The following MACROH2A1 variants were observed in gnomAD, a reference collection of about 807,000 sequenced individuals.
The protein encoded by MACROH2A1 is macroH2A.1 histone, also known as core histone macro-H2A.1.
MACROH2A1 carries 2 observed loss-of-function variants against 31.6 expected under a neutral mutation model. The observed-to-expected ratio is 0.06, with a 90% CI of 0.03 to 0.20. The LOEUF is 0.20. Ranked by LOEUF, MACROH2A1 falls within the 10% of genes least tolerant of loss-of-function variation. The pLI, the probability that MACROH2A1 is intolerant of heterozygous loss-of-function variation, is 1.00. For synonymous variants in MACROH2A1, 169 were observed against 189.6 expected (o/e 0.89, Z 0.89); for missense variants, 230 against 474.0 (o/e 0.49, Z 4.78).
intron 7 of MACROH2A1, chr5:135,345,133 G>A (rs1194728356): frequency 2.0e-5 from 3 of 152,240 alleles, no homozygotes; most frequent in Admixed American, 6.5e-5. Flanking sequence ...GCAGAGCAGA[G>A]GTCAAAGGCA....
chr5:135,350,647 C>G, intron 6 of MACROH2A1: 1 of 515,496 alleles, frequency 1.9e-6, no homozygotes. Context: ...GCATGACATC[C>G]TGGCTGACAG....
chr5:135,342,783 T>G (rs1435320610), intron 8 of MACROH2A1, among the ~76,000 whole-genome samples: 1 of 152,204 alleles, frequency 6.6e-6, no homozygotes, highest in Non-Finnish European at 1.5e-5. Context: ...ATGCAGGTTC[T>G]CAGGAGGTGA....
rs1349354810 is a variant in MACROH2A1 at position 135,340,814 on chromosome 5, A to AT, written c.953+2445dup. Among the ~76,000 whole-genome samples the AT allele has an allele frequency of 2.1e-4, 31 of 151,172 alleles. No homozygotes were observed. In the South Asian group the frequency reaches 2.9e-3, roughly 14 times the overall value. Reference sequence around the variant, plus strand: ...TACTGGCCGGCTCTGGTGTAATCCCATTTTTTTTTACTCATGAAAGAGAGG... The same window carrying AT: ...TACTGGCCGGCTCTGGTGTAATCCCATTTTTTTTTTACTCATGAAAGAGAGG... On this transcript the variant is annotated intron_variant, in intron 8 of 8. Coordinates refer to ENST00000511689, the MANE Select transcript of MACROH2A1 (RefSeq NM_138610.3).
At chr5:135,349,747 T>C (rs1221553634) in intron 6 of MACROH2A1, among the ~76,000 whole-genome samples, 5 of 152,186 alleles carry the variant, frequency 3.3e-5, no homozygotes, top group Non-Finnish European at 5.9e-5. Context: ...AGAGGGCTGC[T>C]CTCAGGACCA....
At chr5:135,389,237 G>C (rs1766861513) in intron 1 of MACROH2A1, 111 bp from the exon 2 acceptor site, 4 of 667,316 alleles carry the variant, frequency 6.0e-6, no homozygotes, top group East Asian at 2.9e-5. Context: ...AGATGCCACT[G>C]TCTGTAGCTG....
intron 6 of MACROH2A1, chr5:135,351,063 A>G: frequency 1.7e-6 from 1 of 575,634 alleles, no homozygotes; most frequent in Non-Finnish European, 3.2e-6. Context: ...GTGTGCGCAC[A>G]TGTGGATGGG....
intron 5 of MACROH2A1, 48 bp from the exon 6 acceptor site, chr5:135,353,093 C>T: frequency 8.3e-7 from 1 of 1,202,736 alleles, no homozygotes. Context: ...GCTGGGAAGT[C>T]TCAGAGAAGG....
chr5:135,346,069 C>A lies in MACROH2A1; in HGVS notation c.689-12G>T. 1.9e-6 allele frequency: 3 copies of A among 1,592,828 alleles called. No individual in the cohort carries two copies. Among genetic ancestry groups the A allele is most frequent in the Non-Finnish European group, 2.6e-6 (3 of 1,160,502 alleles). On this transcript the variant is annotated splice_polypyrimidine_tract_variant and intron_variant, in intron 6 of 8. Transcript: ENST00000511689. ...CTCCAGCGTGTTTCCTAGACAAGGA[C>A]AGGGTGGGGTCAGGTTGCCATTCTG...
chr5:135,343,179 A>G (rs1412573472), intron 8 of MACROH2A1, 81 bp downstream of exon 8: 9 of 1,603,532 alleles, frequency 5.6e-6, no homozygotes, highest in Non-Finnish European at 7.6e-6. Context: ...CCTTGCACAG[A>G]GTGAGAGCAC....
intron 2 of MACROH2A1, among the ~76,000 whole-genome samples, chr5:135,371,603 C>T (rs746086239): frequency 3.4e-4 from 52 of 152,310 alleles, no homozygotes; most frequent in South Asian, 1.5e-3. Context: ...CTGGTTTTCT[C>T]CTTGGCATTA....
chr5:135,370,939 A>G (rs1281628689), intron 2 of MACROH2A1, among the ~76,000 whole-genome samples: 3 of 152,240 alleles, frequency 2.0e-5, no homozygotes, highest in African/African-American at 7.2e-5. Context: ...TAGGAGATAC[A>G]TGCTGATGTA....
At chr5:135,358,294 C>A in intron 5 of MACROH2A1, 7 of 985,112 alleles carry the variant, frequency 7.1e-6, no homozygotes, top group Non-Finnish European at 7.2e-6. Context: ...GCAGTTGGAA[C>A]CCTAGTTTCT....
chr5:135,380,421 C>T (rs1765506254), intron 2 of MACROH2A1, among the ~76,000 whole-genome samples: 1 of 152,202 alleles, frequency 6.6e-6, no homozygotes. Flanking sequence ...GAACCAAGCA[C>T]TGCAGTGGTC....
At position 135,369,460 on chromosome 5, in the gene MACROH2A1, C is replaced by T. The variant is rs1215525543; in HGVS notation, c.423G>A (p.Gln141=). ...CTGCTTTTTTAGATACAGGCTTCTTCTGGGATGGAGACTTGGCCTTTTTGG... is the reference window on the plus strand; with the variant it reads ...CTGCTTTTTTAGATACAGGCTTCTTTTGGGATGGAGACTTGGCCTTTTTGG... The part of the protein sequence containing the change: ...PPAKKAKSPS[Q]KKPVSKKAGG... Residue 141 remains glutamine (Q), a synonymous_variant, in exon 4 of 9, where the codon CAG becomes CAA. Transcript: ENST00000511689. This position sits in a 1 kb window ranked among gnomAD's most constrained non-coding sequence, Gnocchi z 4.3. 2 of 1,614,218 alleles carry T rather than the reference C, an allele frequency of 1.2e-6. No homozygotes were observed. The highest frequency in any genetic ancestry group is 3.3e-5 in the Admixed American group (2 of 60,032).
chr5:135,369,822 G>A lies in MACROH2A1; in HGVS notation c.279+214C>T, dbSNP rs56138748. Among the ~76,000 whole-genome samples, 400 of 152,152 alleles carry A rather than the reference G, an allele frequency of 2.6e-3. 1 individual carries two copies. Among genetic ancestry groups the A allele is most frequent in the African/African-American group, 9.1e-3 (378 of 41,494 alleles). On this transcript the variant is annotated intron_variant, in intron 3 of 8. Coordinates refer to ENST00000511689, the MANE Select transcript of MACROH2A1 (RefSeq NM_138610.3). The surrounding 1 kb of genome is among the most constrained non-coding windows in gnomAD (Gnocchi z 4.3). Reference sequence around the variant, plus strand: ...GAATTTAGATCATCTCTCTCCTTTCGGGAGAGCCAAATACCTTGTATTATC... The same window carrying A: ...GAATTTAGATCATCTCTCTCCTTTCAGGAGAGCCAAATACCTTGTATTATC...
chr5:135,362,898 A>C (rs930787410), intron 4 of MACROH2A1: 1 of 152,350 alleles, frequency 6.6e-6, no homozygotes, highest in East Asian at 1.9e-4. Flanking sequence ...GGGGCAAGCA[A>C]AAGAGAAATA....
chr5:135,357,830 G>T, intron 5 of MACROH2A1: 1 of 984,446 alleles, frequency 1.0e-6, no homozygotes, highest in East Asian at 1.1e-4. Flanking sequence ...TTCAGTATGT[G>T]AAATACATCA....
intron 6 of MACROH2A1, chr5:135,350,612 A>T (rs1487656554): frequency 6.1e-6 from 3 of 488,992 alleles, no homozygotes; most frequent in Non-Finnish European, 1.1e-5. Flanking sequence ...AGAAATGTCC[A>T]TTTGTGAGCT....
chr5:135,347,142 T>C (rs1428557362), intron 6 of MACROH2A1: 3 of 152,332 alleles, frequency 2.0e-5, no homozygotes, highest in African/African-American at 7.2e-5. Flanking sequence ...ACGGTCAAGG[T>C]GCATCGGAAT....
Sources: allele counts gnomAD v4.1 joint callset (sites outside exome capture counted in the v4.1 genomes callset), GRCh38; gene constraint gnomAD v4.1.1; non-coding constraint Gnocchi (gnomAD v3.1); transcripts MANE v1.5; gene names NCBI Gene and HGNC (gene_info 2026-07-23, HGNC 2026-07-21).